ZNF469: variants seen among roughly 807,000 people sequenced by gnomAD.
ZNF469 encodes the protein zinc finger protein 469.
A neutral mutation model predicts 1.0 loss-of-function variants in ZNF469; 1 was observed. The observed-to-expected ratio is 1.00, with a 90% CI of 0.35 to 4.73. The LOEUF is 4.73. ZNF469 is among the 30% of genes most tolerant of loss of function. The pLI is 0.16. For missense variants in ZNF469, 6,100 were observed against 5,356.3 expected (o/e 1.14, Z -4.33); for synonymous variants, 2,703 against 2,363.4 (o/e 1.14, Z -4.17).
In ZNF469 at chr16:88,436,872, G is replaced by C; in HGVS notation, c.9402G>C (p.Lys3134Asn). 1 of 1,518,892 alleles carries C rather than the reference G, an allele frequency of 6.6e-7. No individual in the cohort carries two copies. Among genetic ancestry groups the C allele is most frequent in the Non-Finnish European group, 8.8e-7 (1 of 1,135,536 alleles). 94.1% of individuals were successfully genotyped at this position (1,518,892 alleles called of 1,614,324 possible). A position where few individuals can be genotyped will look rare whatever the true frequency, so the allele number is the denominator to read the frequency against. The change falls in exon 3 of 3, where the codon AAG (lysine) becomes AAC (asparagine). Residue 3134 changes from lysine to asparagine, a missense_variant. Physicochemically the swap from Lys to Asn is moderately conservative, Grantham distance 94. Coordinates refer to ENST00000565624, the MANE Select transcript of ZNF469 (RefSeq NM_001367624.2). ...GCCTGGGCGAGCTGGACCTGCACAAGCTGGCCCACACGCCCGCGCCGCCGC... is the reference window on the plus strand; with the variant it reads ...GCCTGGGCGAGCTGGACCTGCACAACCTGGCCCACACGCCCGCGCCGCCGC... ...FRSLGELDLHKLAHTPAPPPT... is the reference protein window; with the variant it reads ...FRSLGELDLHNLAHTPAPPPT...
At position 88,432,729 on chromosome 16, in the gene ZNF469, G is replaced by A; in HGVS notation, c.5259G>A (p.Lys1753=). 6.4e-7 allele frequency: 1 copy of A among 1,550,434 alleles called. No homozygotes were observed. Among genetic ancestry groups the A allele is most frequent in the Non-Finnish European group, 8.7e-7 (1 of 1,146,988 alleles). ...AGGAACTTTCATTTCCTAAGAATAA[G>A]GAGGCCGCCAGCTCACAAGAAAGTG... is the stretch of plus-strand genomic sequence containing the variant. ...PDQELSFPKN[K]EAASSQESED... Residue 1753 remains lysine, a synonymous_variant, in exon 3 of 3, where the codon AAG becomes AAA. Transcript: ENST00000565624.
At chr16:88,387,810 C>T (rs1904377974) in intron 1 of ZNF469, among the ~76,000 whole-genome samples, 1 of 152,180 alleles carries the variant, frequency 6.6e-6, no homozygotes, top group South Asian at 2.1e-4. Context: ...CCCTAACACC[C>T]AGCTCTTGAA....
chr16:88,412,984 G>C (rs1905214577), intron 1 of ZNF469, among the ~76,000 whole-genome samples: 1 of 152,020 alleles, frequency 6.6e-6, no homozygotes, highest in African/African-American at 2.4e-5. Context: ...TGGGAGCCCT[G>C]CGACCCCCAC....
chr16:88,202,909 G>A, the ZNF469 span, among the ~76,000 whole-genome samples: 1 of 152,170 alleles, frequency 6.6e-6, no homozygotes, highest in Non-Finnish European at 1.5e-5. Flanking sequence ...CTGGAGGTGA[G>A]GGAAGGGCCC....
At chr16:88,403,007 T>C (rs1397138132) in intron 1 of ZNF469, among the ~76,000 whole-genome samples, 1 of 152,186 alleles carries the variant, frequency 6.6e-6, no homozygotes, top group Non-Finnish European at 1.5e-5. Flanking sequence ...ACACCCGCCG[T>C]GCATACCAGA....
chr16:88,181,799 T>C, the ZNF469 span, among the ~76,000 whole-genome samples: 4 of 152,130 alleles, frequency 2.6e-5, no homozygotes, highest in Admixed American at 2.0e-4. Context: ...AAGAATATGA[T>C]AATGATCGAA....
chr16:88,167,591 G>A, the ZNF469 span, among the ~76,000 whole-genome samples: 15 of 152,196 alleles, frequency 9.9e-5, no homozygotes, highest in Admixed American at 6.5e-5. Context: ...CCCTGGCCCT[G>A]GTTAGGAATG....
chr16:88,380,582 C>T (rs913782072), upstream of ZNF469, among the ~76,000 whole-genome samples: 151 of 149,568 alleles, frequency 1.0e-3, no homozygotes, highest in Non-Finnish European at 1.7e-3. Context: ...CTCACACAGA[C>T]ATGCACTCAC....
At chr16:88,104,481 G>A in the ZNF469 span, among the ~76,000 whole-genome samples, 2 of 152,032 alleles carry the variant, frequency 1.3e-5, no homozygotes, top group African/African-American at 4.8e-5. Context: ...CATTACCCCG[G>A]ACGTTAAGTC....
At chr16:88,108,141 A>C in the ZNF469 span, among the ~76,000 whole-genome samples, 2 of 103,854 alleles carry the variant, frequency 1.9e-5, no homozygotes, top group African/African-American at 7.9e-5. Context: ...GTCTGTGGGG[A>C]TGTGGGGATG....
At chr16:88,305,667 T>C in the ZNF469 span, among the ~76,000 whole-genome samples, 2 of 151,276 alleles carry the variant, frequency 1.3e-5, no homozygotes, top group Admixed American at 1.3e-4. Flanking sequence ...CACCTTCACA[T>C]ACACACACAT....
Position 88,438,056 on chromosome 16 carries a change from G to A in ZNF469, c.10586G>A (p.Arg3529Lys), listed in dbSNP as rs1906727874. 2 of 1,550,244 alleles carry A rather than the reference G, an allele frequency of 1.3e-6. No homozygotes were observed. The highest frequency in any genetic ancestry group is 1.4e-5 in the African/African-American group (1 of 73,046). Residue 3529 changes from arginine to lysine, a missense_variant, in exon 3 of 3, where the codon AGG becomes AAG. Transcript: ENST00000565624. The stretch of plus-strand genomic sequence containing the variant: ...AAGGGATGGCCCGAGACCCTAGAGA[G>A]GCCTGTAGACCCCGTGACCCACCCG... ...TTKGWPETLE[R>K]PVDPVTHPIR...
chr16:88,155,651 G>A, the ZNF469 span, among the ~76,000 whole-genome samples: 1 of 152,196 alleles, frequency 6.6e-6, no homozygotes, highest in South Asian at 2.1e-4. Flanking sequence ...TCCTTTGTAT[G>A]ACTGAATCAT....
chr16:88,138,056 C>G, the ZNF469 span, among the ~76,000 whole-genome samples: 1 of 152,198 alleles, frequency 6.6e-6, no homozygotes, highest in Non-Finnish European at 1.5e-5. Context: ...GAGTGCCCAT[C>G]TCACTCAGTG....
At chr16:88,200,681 C>G in the ZNF469 span, among the ~76,000 whole-genome samples, 2 of 152,256 alleles carry the variant, frequency 1.3e-5, no homozygotes, top group Non-Finnish European at 1.5e-5. Flanking sequence ...AGCTGGTTCC[C>G]TCTGCCTGGT....
In ZNF469 at chr16:88,435,563, T is replaced by A. The variant is rs3812956; in HGVS notation, c.8093T>A (p.Leu2698Gln). The change falls in exon 3 of 3, where the codon CTG (leucine) becomes CAG (glutamine). Residue 2698 changes from leucine (L) to glutamine (Q), a missense_variant. By Grantham distance (113) the Leu-to-Gln change is moderately radical. Coordinates refer to ENST00000565624, the MANE Select transcript of ZNF469 (RefSeq NM_001367624.2). ...DGEQPPRLAT[L>Q]GPGVMEGAAE... Reference sequence around the variant, plus strand: ...GAGCAGCCGCCTCGCTTGGCCACTCTGGGACCTGGGGTGATGGAGGGTGCA... The same window carrying A: ...GAGCAGCCGCCTCGCTTGGCCACTCAGGGACCTGGGGTGATGGAGGGTGCA... 567,287 of 1,549,570 alleles carry A rather than the reference T, an allele frequency of 0.37. 106,858 individuals carry two copies. Among genetic ancestry groups the A allele is most frequent in the East Asian group, 0.41 (16,696 of 40,896 alleles).
the ZNF469 span, among the ~76,000 whole-genome samples, chr16:88,184,112 T>G: frequency 6.6e-6 from 1 of 152,032 alleles, no homozygotes; most frequent in South Asian, 2.1e-4. Context: ...GGCTGGGATC[T>G]GCACTGTGGC....
chr16:88,299,146 G>A, the ZNF469 span, among the ~76,000 whole-genome samples: 8 of 149,766 alleles, frequency 5.3e-5, no homozygotes, highest in African/African-American at 1.7e-4. Context: ...GGCAGCTTGG[G>A]GTGGGGAGGG....
chr16:88,159,579 C>T, the ZNF469 span, among the ~76,000 whole-genome samples: 1 of 152,300 alleles, frequency 6.6e-6, no homozygotes, highest in Middle Eastern at 3.4e-3. Context: ...CAGCCCTTCC[C>T]CGCATTCTCG....
Sources: gnomAD v4.1 joint callset for allele counts (sites outside exome capture counted in the v4.1 genomes callset) on GRCh38, gnomAD v4.1.1 for gene constraint, MANE v1.5 for transcripts, NCBI Gene and HGNC (gene_info 2026-07-23, HGNC 2026-07-21) for gene names.